NPAS2: variants seen among roughly 807,000 people sequenced by gnomAD.
NPAS2 encodes the protein neuronal PAS domain protein 2.
NPAS2 carries 23 observed loss-of-function variants against 107.5 expected under a neutral mutation model. The ratio of observed to expected loss-of-function variants is 0.21; its 90% CI spans 0.15 to 0.30. The LOEUF (loss-of-function observed/expected upper bound fraction) is 0.30, where lower values mean the gene tolerates loss of function less well. Among genes scored for constraint, NPAS2 ranks in the 10% least tolerant of loss-of-function variants. NPAS2 has a pLI of 1.00. For missense variants in NPAS2, 756 were observed against 1,043.3 expected (o/e 0.72, Z 3.79); for synonymous variants, 403 against 417.5 (o/e 0.97, Z 0.42).
In NPAS2 at chr2:100,968,466, C is replaced by A; in HGVS notation, c.1055+38C>A. ...GGCAGGGGTGCGGCTGCGTCCTTGT[C>A]GCACCTGGGGGAGGGGTGCAGGATG... is the stretch of plus-strand genomic sequence containing the variant. On this transcript the variant is annotated intron_variant, in intron 11 of 20. Transcript: ENST00000335681. This position sits in a 1 kb window ranked among gnomAD's most constrained non-coding sequence, Gnocchi z 5.3. 6.2e-7 allele frequency: 1 copy of A among 1,600,906 alleles called. No individual in the cohort carries two copies. Among genetic ancestry groups the A allele is most frequent in the Non-Finnish European group, 8.5e-7 (1 of 1,171,234 alleles).
intron 20 of NPAS2, chr2:100,995,039 A>G (rs1573824047): frequency 4.0e-6 from 1 of 247,150 alleles, no homozygotes; most frequent in Non-Finnish European, 7.7e-6. Flanking sequence ...TGCCCTGTCA[A>G]CTACCTGCAT....
chr2:100,832,364 C>T (rs1336617330), intron 1 of NPAS2, among the ~76,000 whole-genome samples: 1 of 152,206 alleles, frequency 6.6e-6, no homozygotes, highest in Non-Finnish European at 1.5e-5. Flanking sequence ...AAGCGCTTAC[C>T]TGACGGTTGC....
chr2:100,894,914 G>T (rs148437557), intron 1 of NPAS2, among the ~76,000 whole-genome samples: 31 of 152,332 alleles, frequency 2.0e-4, no homozygotes, highest in Admixed American at 1.0e-3. Context: ...AATGTACTTG[G>T]TTATGTCCTT....
At chr2:100,970,771 G>T (rs910462785) in intron 11 of NPAS2, 52 of 425,226 alleles carry the variant, frequency 1.2e-4, no homozygotes, top group African/African-American at 9.2e-4. Flanking sequence ...GAAATAAAAA[G>T]ATTTTGAATG....
At chr2:100,873,385 A>AAT in intron 1 of NPAS2, among the ~76,000 whole-genome samples, 1 of 143,904 alleles carries the variant, frequency 6.9e-6, no homozygotes, top group East Asian at 2.0e-4. Context: ...TATTTTTTCA[A>AAT]ATATATATAT....
chr2:100,858,829 G>A (rs772337463), intron 1 of NPAS2, among the ~76,000 whole-genome samples: 13 of 152,032 alleles, frequency 8.6e-5, no homozygotes, highest in South Asian at 2.1e-4. Context: ...TGCACGCCCC[G>A]TCCTGTTTAT....
intron 7 of NPAS2, among the ~76,000 whole-genome samples, chr2:100,963,228 A>G (rs1676014498): frequency 1.3e-5 from 2 of 152,216 alleles, no homozygotes; most frequent in Admixed American, 6.5e-5. Context: ...CAGGTATGCC[A>G]GCCAAGACAG....
intron 1 of NPAS2, among the ~76,000 whole-genome samples, chr2:100,880,232 CAT>C (rs1680246859): frequency 6.6e-6 from 1 of 152,212 alleles, no homozygotes; most frequent in Non-Finnish European, 1.5e-5. Flanking sequence ...ACCGTTAAAA[CAT>C]AGAATTACCA....
chr2:100,941,874 T>C (rs1366477168), intron 5 of NPAS2, among the ~76,000 whole-genome samples: 1 of 152,202 alleles, frequency 6.6e-6, no homozygotes, highest in African/African-American at 2.4e-5. Flanking sequence ...CCTGGGTTAC[T>C]TTCTGATTTG....
At chr2:100,904,908 A>G in intron 2 of NPAS2, 122 bp downstream of exon 2, 2 of 720,724 alleles carry the variant, frequency 2.8e-6, no homozygotes, top group Non-Finnish European at 4.9e-6. Flanking sequence ...CAGCTGTAGG[A>G]CACACTCTCT....
chr2:100,878,700 A>G (rs1680141712), intron 1 of NPAS2: 1 of 650,808 alleles, frequency 1.5e-6, no homozygotes, highest in African/African-American at 2.0e-5. Flanking sequence ...GTAGATTCTC[A>G]CTGATACCCA....
At chr2:100,907,522 A>ACACC (rs765224232) in intron 2 of NPAS2, among the ~76,000 whole-genome samples, 56 of 149,672 alleles carry the variant, frequency 3.7e-4, no homozygotes, top group Non-Finnish European at 5.8e-4. Flanking sequence ...ACACACACAC[A>ACACC]CCCCTAAGAT....
intron 10 of NPAS2, among the ~76,000 whole-genome samples, chr2:100,967,361 G>T (rs1676283487): frequency 7.1e-6 from 1 of 140,858 alleles, no homozygotes; most frequent in Non-Finnish European, 1.5e-5. Context: ...TGAGTAGCTG[G>T]GACAACAGAC....
chr2:100,958,707 T>G (rs539567549), intron 7 of NPAS2, among the ~76,000 whole-genome samples: 1 of 152,208 alleles, frequency 6.6e-6, no homozygotes, highest in South Asian at 2.1e-4. Flanking sequence ...GGGGGGACCT[T>G]TCATACAAGT....
At chr2:100,920,373 A>G (rs966171018) in intron 2 of NPAS2, among the ~76,000 whole-genome samples, 3 of 152,060 alleles carry the variant, frequency 2.0e-5, no homozygotes, top group Non-Finnish European at 2.9e-5. Context: ...TCCATGTTGT[A>G]TATATATATA....
intron 4 of NPAS2, among the ~76,000 whole-genome samples, chr2:100,933,810 G>A (rs557754833): frequency 1.3e-5 from 2 of 152,194 alleles, no homozygotes. Flanking sequence ...ATCCACGCCC[G>A]CAACCAAGAG....
chr2:100,984,998 C>G (rs1200648685), intron 16 of NPAS2: 1 of 152,230 alleles, frequency 6.6e-6, no homozygotes, highest in Non-Finnish European at 1.5e-5. Flanking sequence ...CCCATCGCCC[C>G]CTCCAAGGCT....
chr2:100,861,620 C>G (rs1678946596), intron 1 of NPAS2, among the ~76,000 whole-genome samples: 1 of 152,102 alleles, frequency 6.6e-6, no homozygotes, highest in Non-Finnish European at 1.5e-5. Flanking sequence ...GGAAGGAGGC[C>G]TGGGCTGGAG....
At chr2:100,885,294 T>C (rs1680629627) in intron 1 of NPAS2, among the ~76,000 whole-genome samples, 1 of 152,212 alleles carries the variant, frequency 6.6e-6, no homozygotes, top group South Asian at 2.1e-4. Context: ...TTGCAATGAA[T>C]ATGTACTGCT....
Sources: allele counts gnomAD v4.1 joint callset (sites outside exome capture counted in the v4.1 genomes callset), GRCh38; gene constraint gnomAD v4.1.1; non-coding constraint Gnocchi (gnomAD v3.1); transcripts MANE v1.5; gene names NCBI Gene and HGNC (gene_info 2026-07-23, HGNC 2026-07-21).